ESRRG: variants seen among roughly 807,000 people sequenced by gnomAD.
ESRRG encodes the protein estrogen-related receptor gamma.
Under a neutral mutation model 44.0 loss-of-function variants are expected in ESRRG, and 13 were observed. The ratio of observed to expected loss-of-function variants is 0.30; its 90% CI spans 0.19 to 0.47. ESRRG has a LOEUF of 0.47. Among genes scored for constraint, ESRRG ranks in the 20% least tolerant of loss-of-function variants. The pLI is 1.00. For missense variants in ESRRG, 395 were observed against 580.6 expected (o/e 0.68, Z 3.29); for synonymous variants, 215 against 214.6 (o/e 1.00, Z -0.02).
At chr1:216,771,213 T>A (rs901960481) in intron 2 of ESRRG, among the ~76,000 whole-genome samples, 1 of 152,144 alleles carries the variant, frequency 6.6e-6, no homozygotes, top group Non-Finnish European at 1.5e-5. Flanking sequence ...TGGAAATTTT[T>A]AAAATAAATA....
intron 2 of ESRRG, among the ~76,000 whole-genome samples, chr1:216,876,387 TGTTTTTGAAA>T (rs1408419466): frequency 6.6e-6 from 1 of 152,154 alleles, no homozygotes; most frequent in Non-Finnish European, 1.5e-5. Context: ...GCCTGGGGAA[TGTTTTTGAAA>T]GTCTCAAAAG....
chr1:216,644,634 A>G (rs192335695), intron 3 of ESRRG, among the ~76,000 whole-genome samples: 6 of 151,694 alleles, frequency 4.0e-5, no homozygotes, highest in Non-Finnish European at 7.4e-5. Flanking sequence ...TGAGGGTTTC[A>G]TCACGTTGCC....
chr1:216,864,523 T>G (rs1249650372), intron 2 of ESRRG: 2 of 151,672 alleles, frequency 1.3e-5, no homozygotes, highest in Non-Finnish European at 2.9e-5. Context: ...CTGTAGTGCT[T>G]CACCCAAAAC....
At chr1:216,513,775 A>T (rs980993715) in intron 6 of ESRRG, among the ~76,000 whole-genome samples, 11 of 152,032 alleles carry the variant, frequency 7.2e-5, no homozygotes, top group African/African-American at 2.7e-4. Flanking sequence ...CTCTCTCTCC[A>T]TATCTTACAC....
At chr1:217,129,647 G>A (rs1276736418) in intron 1 of ESRRG, among the ~76,000 whole-genome samples, 2 of 152,190 alleles carry the variant, frequency 1.3e-5, no homozygotes, top group Admixed American at 1.3e-4. Context: ...GTTACAATAT[G>A]GATGAACCTT....
intron 1 of ESRRG, among the ~76,000 whole-genome samples, chr1:216,700,103 A>G (rs1034858116): frequency 7.8e-5 from 11 of 141,912 alleles, no homozygotes; most frequent in African/African-American, 2.1e-4. Context: ...TGCTTCTATT[A>G]TACTCCCCGC....
chr1:216,981,456 T>C (rs2073956153), intron 1 of ESRRG, among the ~76,000 whole-genome samples: 5 of 152,278 alleles, frequency 3.3e-5, no homozygotes, highest in South Asian at 4.1e-4. Flanking sequence ...CCCTATTTCA[T>C]AGTGCTGTCA....
In ESRRG at chr1:217,066,415, G is replaced by A. The variant is rs1325264882; in HGVS notation, c.-106+23092C>T. ...GACTACAGGTGCCCACTAATTTTTT[G>A]TATTTTTAGTAGAGACGGGATTTCA... On this transcript the variant is annotated intron_variant, in intron 1 of 7. Transcript: ENST00000359162. Among the ~76,000 whole-genome samples, 4 of 151,762 alleles carry A rather than the reference G, an allele frequency of 2.6e-5. No individual in the cohort carries two copies. In the East Asian group the frequency reaches 7.8e-4, roughly 29 times the overall value.
intron 1 of ESRRG, among the ~76,000 whole-genome samples, chr1:216,978,276 A>G (rs537497156): frequency 2.0e-4 from 30 of 152,304 alleles, no homozygotes; most frequent in African/African-American, 6.7e-4. Flanking sequence ...ATTCATTTCC[A>G]TATTGCCTAA....
rs550391367 is a variant in ESRRG at position 216,872,448 on chromosome 1, T to A, written c.-14+67134A>T. Among the ~76,000 whole-genome samples the A allele has an allele frequency of 3.3e-3, 509 of 152,274 alleles. 4 individuals are homozygous for A. The highest frequency in any genetic ancestry group is 6.4e-3 in the South Asian group (31 of 4,828). ...CGATGCAAATGTTAAACCTTTTTTT[T>A]AAAAATTGTCCCACACATCTTTGAG... On this transcript the variant is annotated intron_variant, in intron 2 of 7. Coordinates refer to the ESRRG transcript ENST00000359162.
intron 3 of ESRRG, among the ~76,000 whole-genome samples, chr1:216,590,768 A>C (rs1308799624): frequency 6.6e-6 from 1 of 152,162 alleles, no homozygotes; most frequent in African/African-American, 2.4e-5. Flanking sequence ...TTTTTAATAC[A>C]AGAAAGTATA....
chr1:216,603,949 A>AAAC (rs2059593520), intron 3 of ESRRG, among the ~76,000 whole-genome samples: 1 of 60,402 alleles, frequency 1.7e-5, no homozygotes, highest in South Asian at 5.1e-4. Flanking sequence ...AAAAAACAAA[A>AAAC]AAAAAAAAAA....
At chr1:216,696,780 ATAAT>A (rs901466474) in intron 1 of ESRRG, among the ~76,000 whole-genome samples, 4 of 152,160 alleles carry the variant, frequency 2.6e-5, no homozygotes, top group African/African-American at 9.7e-5. Flanking sequence ...ATTAAAATGT[ATAAT>A]TAATATAAAT....
At chr1:217,036,957 G>A (rs1232023813) in intron 1 of ESRRG, among the ~76,000 whole-genome samples, 2 of 152,106 alleles carry the variant, frequency 1.3e-5, no homozygotes, top group Non-Finnish European at 2.9e-5. Context: ...GCCCGAGTTG[G>A]GAGATGACCA....
chr1:216,768,196 C>T (rs1391673900), intron 2 of ESRRG, among the ~76,000 whole-genome samples: 1 of 152,104 alleles, frequency 6.6e-6, no homozygotes, highest in Admixed American at 6.6e-5. Flanking sequence ...GAGGAATCTG[C>T]CTCTCCAAAT....
At chr1:216,961,165 G>A (rs759928432) in intron 1 of ESRRG, among the ~76,000 whole-genome samples, 1 of 152,126 alleles carries the variant, frequency 6.6e-6, no homozygotes, top group Non-Finnish European at 1.5e-5. Context: ...CAGATCCATG[G>A]GAACAAGATG....
chr1:216,947,916 T>A (rs1198542903), intron 1 of ESRRG, among the ~76,000 whole-genome samples: 1 of 151,898 alleles, frequency 6.6e-6, no homozygotes, highest in African/African-American at 2.4e-5. Context: ...CATAAAACCC[T>A]CCCCCAAACA....
At chr1:216,649,693 GA>G (rs1273253805) in intron 3 of ESRRG, among the ~76,000 whole-genome samples, 1 of 152,076 alleles carries the variant, frequency 6.6e-6, no homozygotes, top group Non-Finnish European at 1.5e-5. Flanking sequence ...GAGCAAAGTT[GA>G]AGACTAGAAG....
intron 2 of ESRRG, among the ~76,000 whole-genome samples, chr1:216,806,472 T>A (rs1335040385): frequency 3.9e-5 from 6 of 152,174 alleles, no homozygotes; most frequent in Non-Finnish European, 8.8e-5. Context: ...ACAAAAAGGT[T>A]GTACGAAAGG....
Sources: gnomAD v4.1 joint callset for allele counts (sites outside exome capture counted in the v4.1 genomes callset) on GRCh38, gnomAD v4.1.1 for gene constraint, MANE v1.5 for transcripts, NCBI Gene and HGNC (gene_info 2026-07-23, HGNC 2026-07-21) for gene names.